CNTNAP5: variants seen among roughly 807,000 people sequenced by gnomAD.
CNTNAP5 encodes contactin-associated protein-like 5.
CNTNAP5 carries 72 observed loss-of-function variants against 150.2 expected under a neutral mutation model. That is an observed-to-expected ratio of 0.48 (90% CI 0.40 to 0.58). The LOEUF (loss-of-function observed/expected upper bound fraction) is 0.58. CNTNAP5 is among the 20% of genes least tolerant of loss of function. The pLI, the probability that CNTNAP5 is intolerant of heterozygous loss-of-function variation, is 0.00. For synonymous variants in CNTNAP5, 672 were observed against 619.8 expected (o/e 1.08, Z -1.25); for missense variants, 1,636 against 1,626.2 (o/e 1.01, Z -0.10).
intron 20 of CNTNAP5, among the ~76,000 whole-genome samples, 155 bp from the exon 21 acceptor site, chr2:124,869,520 A>G (rs187699820): frequency 3.3e-5 from 5 of 152,282 alleles, no homozygotes; most frequent in Admixed American, 1.3e-4. Context: ...TTGTGGGCAA[A>G]TTAGCGAGAC....
At chr2:124,707,192 G>GAAGAAGAAGAAA (rs1679706527) in intron 13 of CNTNAP5, among the ~76,000 whole-genome samples, 2 of 130,102 alleles carry the variant, frequency 1.5e-5, no homozygotes, top group Admixed American at 1.7e-4. Context: ...AGAAGAAGAA[G>GAAGAAGAAGAAA]AAGAAGAAGA....
At chr2:124,745,379 C>A (rs879700208) in intron 13 of CNTNAP5, among the ~76,000 whole-genome samples, 2 of 152,134 alleles carry the variant, frequency 1.3e-5, no homozygotes, top group Non-Finnish European at 2.9e-5. Flanking sequence ...TCTTTCCATT[C>A]TTGGGCCCAA....
intron 1 of CNTNAP5, among the ~76,000 whole-genome samples, chr2:124,168,936 C>T (rs17319464): frequency 0.11 from 16,015 of 152,172 alleles, 1,144 homozygotes; most frequent in South Asian, 0.16. Context: ...CCATCCCTAC[C>T]TCTGACATAG....
intron 3 of CNTNAP5, among the ~76,000 whole-genome samples, chr2:124,362,710 C>T (rs1353342435): frequency 6.6e-6 from 1 of 152,182 alleles, no homozygotes; most frequent in Non-Finnish European, 1.5e-5. Flanking sequence ...GTTTGCAAGG[C>T]TCAGCCTCAG....
At chr2:124,201,143 G>A (rs140666278) in intron 1 of CNTNAP5, among the ~76,000 whole-genome samples, 3 of 152,268 alleles carry the variant, frequency 2.0e-5, no homozygotes, top group Non-Finnish European at 4.4e-5. Context: ...TCAAACATCT[G>A]GTACCAGGCG....
At chr2:124,258,528 T>G (rs1308019459) in intron 3 of CNTNAP5, among the ~76,000 whole-genome samples, 2 of 152,182 alleles carry the variant, frequency 1.3e-5, no homozygotes, top group African/African-American at 2.4e-5. Context: ...GTACATTCTC[T>G]CACCCTTCAT....
intron 3 of CNTNAP5, among the ~76,000 whole-genome samples, chr2:124,311,193 C>T (rs1177431716): frequency 6.6e-6 from 1 of 151,982 alleles, no homozygotes; most frequent in African/African-American, 2.4e-5. Flanking sequence ...TTTTTCCCTG[C>T]CTGTATTAAT....
intron 23 of CNTNAP5, among the ~76,000 whole-genome samples, chr2:124,913,567 T>C (rs552583753): frequency 3.6e-4 from 55 of 152,208 alleles, no homozygotes; most frequent in African/African-American, 1.2e-3. Flanking sequence ...TCTAAATTTA[T>C]AGCGATCATT....
intron 1 of CNTNAP5, among the ~76,000 whole-genome samples, chr2:124,092,136 C>A (rs561734479): frequency 6.6e-6 from 1 of 152,126 alleles, no homozygotes; most frequent in Non-Finnish European, 1.5e-5. Flanking sequence ...TTAGAACTGT[C>A]CTGTTACAAG....
intron 12 of CNTNAP5, among the ~76,000 whole-genome samples, chr2:124,634,643 G>A (rs1677934661): frequency 6.6e-6 from 1 of 152,076 alleles, no homozygotes; most frequent in Non-Finnish European, 1.5e-5. Context: ...AAGTAGCTGG[G>A]ATTACAGGCA....
chr2:124,404,204 T>C (rs1440060767), intron 3 of CNTNAP5, among the ~76,000 whole-genome samples: 2 of 152,246 alleles, frequency 1.3e-5, no homozygotes, highest in African/African-American at 4.8e-5. Flanking sequence ...AGAGTCTCCC[T>C]GAAAATTCCC....
intron 1 of CNTNAP5, among the ~76,000 whole-genome samples, chr2:124,071,863 A>G (rs1466685975): frequency 6.6e-6 from 1 of 151,926 alleles, no homozygotes; most frequent in East Asian, 1.9e-4. Context: ...TTTCAAATTA[A>G]TTCTAAGAGG....
chr2:124,509,799 TA>T (rs1175707138), intron 8 of CNTNAP5, among the ~76,000 whole-genome samples: 1 of 150,662 alleles, frequency 6.6e-6, no homozygotes, highest in Non-Finnish European at 1.5e-5. Flanking sequence ...TATTTAGGTC[TA>T]AAGCTGTGTC....
At chr2:124,402,338 C>T (rs1275499804) in intron 3 of CNTNAP5, among the ~76,000 whole-genome samples, 1 of 152,084 alleles carries the variant, frequency 6.6e-6, no homozygotes, top group African/African-American at 2.4e-5. Context: ...TTTTTACTGC[C>T]AGAGACAGAG....
intron 13 of CNTNAP5, among the ~76,000 whole-genome samples, chr2:124,727,156 T>G (rs1680173735): frequency 6.6e-6 from 1 of 152,086 alleles, no homozygotes; most frequent in South Asian, 2.1e-4. Flanking sequence ...AGTGCCTGGA[T>G]TCATTTTGAG....
chr2:124,252,884 C>T (rs1484626582), intron 3 of CNTNAP5, among the ~76,000 whole-genome samples: 1 of 151,936 alleles, frequency 6.6e-6, no homozygotes, highest in Non-Finnish European at 1.5e-5. Flanking sequence ...TACACATGGA[C>T]TTATTTAAAT....
chr2:124,347,242 C>G (rs573568635), intron 3 of CNTNAP5, among the ~76,000 whole-genome samples: 19 of 152,312 alleles, frequency 1.2e-4, no homozygotes, highest in Middle Eastern at 3.4e-3. Flanking sequence ...CCTGAGGCAG[C>G]CCCCTCTCAT....
At chr2:124,370,313 G>T (rs1690492270) in intron 3 of CNTNAP5, among the ~76,000 whole-genome samples, 1 of 152,096 alleles carries the variant, frequency 6.6e-6, no homozygotes, top group Non-Finnish European at 1.5e-5. Flanking sequence ...AGAAAGGGTT[G>T]CAATGGCTAG....
At chr2:124,153,603 C>CTTTTTT (rs948493792) in intron 1 of CNTNAP5, among the ~76,000 whole-genome samples, 8 of 85,068 alleles carry the variant, frequency 9.4e-5, no homozygotes, top group East Asian at 3.8e-4. Context: ...CCCCCCGGGA[C>CTTTTTT]TTTTTTTTTT....
Sources: gnomAD v4.1 joint callset for allele counts (sites outside exome capture counted in the v4.1 genomes callset) on GRCh38, gnomAD v4.1.1 for gene constraint, MANE v1.5 for transcripts, NCBI Gene and HGNC (gene_info 2026-07-23, HGNC 2026-07-21) for gene names.